Variants in EXOG observed in about 807,000 individuals in gnomAD.
EXOG encodes nuclease EXOG, mitochondrial.
In EXOG, 27 loss-of-function variants were observed where a neutral mutation model predicts 25.8. That is an observed-to-expected ratio of 1.05 (90% CI 0.77 to 1.45). The LOEUF is 1.45. Ranked by LOEUF, EXOG falls within the 40% of genes most tolerant of loss-of-function variation. The probability of loss-of-function intolerance (pLI) is 0.00; values close to 1 mark genes in which losing one functional copy is unlikely to be tolerated. For missense variants in EXOG, 458 were observed against 450.5 expected, an observed-to-expected ratio of 1.02 and a Z score of -0.15; for synonymous variants, 133 against 167.0, an observed-to-expected ratio of 0.80 and a Z score of 1.57.
At chr3:38,501,230 A>G in intron 2 of EXOG, 125 bp from the exon 3 acceptor site, 3 of 721,292 alleles carry the variant, frequency 4.2e-6, no homozygotes, top group Non-Finnish European at 2.4e-6. Context: ...TGAGACATGC[A>G]TGCAATCCCT....
At chr3:38,507,457 A>C (rs2060235767) in intron 5 of EXOG, among the ~76,000 whole-genome samples, 1 of 152,208 alleles carries the variant, frequency 6.6e-6, no homozygotes, top group South Asian at 2.1e-4. Flanking sequence ...ATCATTCATA[A>C]AAATTGGAGC....
At chr3:38,520,375 A>C (rs1257855464) in intron 5 of EXOG, among the ~76,000 whole-genome samples, 8 of 152,238 alleles carry the variant, frequency 5.3e-5, no homozygotes, top group African/African-American at 1.9e-4. Context: ...AGTAGAGTTC[A>C]GTGCTTCTTG....
rs1300740271 is a variant in EXOG at position 38,524,955 on chromosome 3, A to T, written c.*593A>T. ...TGTACATTTTTCCCTCTAGGACCTG[A>T]ATTGGTCTTGGAGGCAGCTTTTAGA... On this transcript the variant is annotated 3_prime_UTR_variant, in exon 6 of 6. Transcript: ENST00000287675. The T allele has an allele frequency of 2.0e-6, 2 of 985,324 alleles. No individual in the cohort carries two copies. Among genetic ancestry groups the T allele is most frequent in the African/African-American group, 3.5e-5 (2 of 57,206 alleles). The allele number at this position is 985,324 out of a possible 1,614,324, so 61.0% of individuals were successfully genotyped here.
chr3:38,520,077 A>G (rs528944513), intron 5 of EXOG, among the ~76,000 whole-genome samples: 2 of 152,272 alleles, frequency 1.3e-5, no homozygotes, highest in South Asian at 4.1e-4. Context: ...TAGCAGGTAC[A>G]TATTTTTTCC....
intron 5 of EXOG, among the ~76,000 whole-genome samples, chr3:38,514,757 A>ACC (rs1553686144): frequency 4.2e-5 from 4 of 95,992 alleles, no homozygotes; most frequent in East Asian, 4.0e-4. Context: ...CCTCTTTTCC[A>ACC]CCCTCCCCCC....
At position 38,496,374 on chromosome 3, in the gene EXOG, A is replaced by C; in HGVS notation, c.7A>C (p.Ile3Leu). The C allele has an allele frequency of 6.2e-7, 1 of 1,613,466 alleles. No individual in the cohort carries two copies. Among genetic ancestry groups the C allele is most frequent in the Non-Finnish European group, 8.5e-7 (1 of 1,179,688 alleles). ...GGCCGGTACCTCGGGCAAGATGGCT[A>C]TCAAGAGTATCGCTTCCCGCCTCCG... Reference protein sequence around the residue: MAIKSIASRLRGS... With the variant: MALKSIASRLRGS... The change falls in exon 1 of 6, where the codon ATC (isoleucine) becomes CTC (leucine). Residue 3 changes from isoleucine to leucine, a missense_variant. Ile to Leu is a conservative substitution (Grantham distance 5, BLOSUM62 2). This residue lies in a region of EXOG where 275 missense variants were observed against 230.5 expected (regional missense o/e 1.19). Transcript: ENST00000287675.
At chr3:38,497,524 A>G in intron 1 of EXOG, 105 bp from the exon 2 acceptor site, 1 of 1,415,950 alleles carries the variant, frequency 7.1e-7, no homozygotes. Context: ...TGTAAATCAC[A>G]CCGCTCTCCT....
At chr3:38,509,531 C>T (rs1048507146) in intron 5 of EXOG, among the ~76,000 whole-genome samples, 1 of 152,158 alleles carries the variant, frequency 6.6e-6, no homozygotes, top group Non-Finnish European at 1.5e-5. Context: ...ATGAACACAT[C>T]TTGAGACCCA....
At chr3:38,516,571 A>G (rs2060549759) in intron 5 of EXOG, among the ~76,000 whole-genome samples, 1 of 152,230 alleles carries the variant, frequency 6.6e-6, no homozygotes, top group Admixed American at 6.5e-5. Flanking sequence ...CCTCCTAAGC[A>G]TTCTGTCATG....
intron 4 of EXOG, among the ~76,000 whole-genome samples, chr3:38,505,873 G>A (rs997748327): frequency 6.6e-6 from 1 of 152,058 alleles, no homozygotes; most frequent in Admixed American, 6.6e-5. Context: ...GGCTGAGGCA[G>A]GAGAATCGCT....
At position 38,497,628 on chromosome 3, in the gene EXOG, G is replaced by A; in HGVS notation, c.164-1G>A. The stretch of plus-strand genomic sequence containing the variant: ...CCTTTTTTTTTTTTTTTCATTTTTA[G>A]GATCTGCAGAAAAGGCTGTCTTGGA... On this transcript the variant is annotated splice_acceptor_variant, in intron 1 of 5. Coordinates refer to ENST00000287675, the MANE Select transcript of EXOG (RefSeq NM_005107.4). LOFTEE classifies it high-confidence loss of function. The A allele has an allele frequency of 1.4e-6, 2 of 1,444,542 alleles. No individual in the cohort carries two copies. Among genetic ancestry groups the A allele is most frequent in the African/African-American group, 1.5e-5 (1 of 65,176 alleles). 89.5% of individuals were successfully genotyped at this position (1,444,542 alleles called of 1,614,324 possible).
Position 38,497,560 on chromosome 3 carries a change from G to A in EXOG, c.164-69G>A, listed in dbSNP as rs1245068409. The stretch of plus-strand genomic sequence containing the variant: ...TTTCCTTATAATCTTTCATTATTAA[G>A]AGCCACTAATTGTGTGTGTGTGTTT... On this transcript the variant is annotated intron_variant, in intron 1 of 5. Transcript: ENST00000287675. The A allele has an allele frequency of 3.3e-6, 5 of 1,499,076 alleles. No homozygotes were observed. In the African/African-American group the frequency reaches 5.7e-5, roughly 17 times the overall value. The allele number at this position is 1,499,076 out of a possible 1,614,324, so 92.9% of individuals were successfully genotyped here. A position where few individuals can be genotyped will look rare whatever the true frequency, so the allele number is the denominator to read the frequency against.
Position 38,499,691 on chromosome 3 carries a change from A to G in EXOG, c.314-1664A>G, listed in dbSNP as rs774027143. 2.4e-5 allele frequency: 11 copies of G among 454,206 alleles called. 1 individual carries two copies. Among genetic ancestry groups the G allele is most frequent in the South Asian group, 1.7e-4 (11 of 64,352 alleles). The allele number at this position is 454,206 out of a possible 1,614,324, so 28.1% of individuals were successfully genotyped here. ...TGCTATGTTGCCTAGGCTGGTCTTG[A>G]ATTTCTGGGTTCAAGTGACCCTCCT... On this transcript the variant is annotated intron_variant, in intron 2 of 5. Coordinates refer to ENST00000287675, the MANE Select transcript of EXOG (RefSeq NM_005107.4).
chr3:38,503,441 T>C (rs1261063760), intron 3 of EXOG, among the ~76,000 whole-genome samples, 174 bp from the exon 4 acceptor site: 2 of 152,250 alleles, frequency 1.3e-5, no homozygotes, highest in East Asian at 1.9e-4. Context: ...GAATAATTAT[T>C]ATAAGAGCTT....
intron 5 of EXOG, chr3:38,515,590 G>GC: frequency 1.1e-5 from 2 of 181,520 alleles, no homozygotes; most frequent in Non-Finnish European, 2.5e-5. Flanking sequence ...CTCCTCAGTG[G>GC]TGTCCATCAT....
chr3:38,525,295 G>A lies in EXOG; in HGVS notation c.*933G>A, dbSNP rs2060843602. 1.0e-6 allele frequency: 1 copy of A among 985,226 alleles called. No homozygotes were observed. The highest frequency in any genetic ancestry group is 6.1e-5 in the Admixed American group (1 of 16,268). 61.0% of individuals were successfully genotyped at this position (985,226 alleles called of 1,614,324 possible). ...AGGCAGACAGATCTAAGAGAAGAAA[G>A]ACAGCTGAGGTAGATTCAAATCTTT... On this transcript the variant is annotated 3_prime_UTR_variant, in exon 6 of 6. Coordinates refer to ENST00000287675, the MANE Select transcript of EXOG (RefSeq NM_005107.4).
At chr3:38,507,718 G>A (rs1189165189) in intron 5 of EXOG, among the ~76,000 whole-genome samples, 1 of 152,140 alleles carries the variant, frequency 6.6e-6, no homozygotes, top group Non-Finnish European at 1.5e-5. Context: ...GAGATTAGAG[G>A]CAAGGAGATG....
At position 38,503,644 on chromosome 3, in the gene EXOG, TA is replaced by T; in HGVS notation, c.485del (p.Asn162ThrfsTer17). On this transcript the variant is annotated frameshift_variant, in exon 4 of 6. Coordinates refer to ENST00000287675, the MANE Select transcript of EXOG (RefSeq NM_005107.4). LOFTEE classifies it high-confidence loss of function. Reference sequence around the variant, plus strand: ...CCATGGCTGAAACCTTTTACCTTTCTAACATTGTGCCTCAGGATTTTGATAA... The same window carrying T: ...CCATGGCTGAAACCTTTTACCTTTCTACATTGTGCCTCAGGATTTTGATAA... ...KAMAETFYLSNIVPQDFDNNS... is the reference protein window; with the variant it reads ...KAMAETFYLSXIVPQDFDNNS... The T allele has an allele frequency of 6.2e-7, 1 of 1,608,114 alleles. No individual in the cohort carries two copies. Among genetic ancestry groups the T allele is most frequent in the Non-Finnish European group, 8.5e-7 (1 of 1,175,034 alleles).
At chr3:38,510,653 TTTAA>T (rs1318574749) in intron 5 of EXOG, among the ~76,000 whole-genome samples, 2 of 151,142 alleles carry the variant, frequency 1.3e-5, no homozygotes, top group South Asian at 2.1e-4. Flanking sequence ...ATGCTAAGCT[TTTAA>T]TTAATTCAGA....
Sources: allele counts gnomAD v4.1 joint callset (sites outside exome capture counted in the v4.1 genomes callset), GRCh38; gene constraint gnomAD v4.1.1; regional missense constraint gnomAD v4.1.1; transcripts MANE v1.5; gene names NCBI Gene and HGNC (gene_info 2026-07-23, HGNC 2026-07-21).